SLC4A4: variants seen among roughly 807,000 people sequenced by gnomAD.
SLC4A4 encodes the protein electrogenic sodium bicarbonate cotransporter 1.
Under a neutral mutation model 111.5 loss-of-function variants are expected in SLC4A4, and 27 were observed. The ratio of observed to expected loss-of-function variants is 0.24; its 90% CI spans 0.18 to 0.33. The LOEUF is 0.33. Among genes scored for constraint, SLC4A4 ranks in the 10% least tolerant of loss-of-function variants. SLC4A4 has a pLI of 1.00. For synonymous variants in SLC4A4, 443 were observed against 463.4 expected, an observed-to-expected ratio of 0.96 and a Z score of 0.57; for missense variants, 909 against 1,315.5, an observed-to-expected ratio of 0.69 and a Z score of 4.78.
At chr4:71,330,991 C>T (rs1269749043) in intron 3 of SLC4A4, among the ~76,000 whole-genome samples, 1 of 152,146 alleles carries the variant, frequency 6.6e-6, no homozygotes, top group Non-Finnish European at 1.5e-5. Context: ...TGCTCATCAT[C>T]ACTGGCCCTC....
intron 18 of SLC4A4, among the ~76,000 whole-genome samples, chr4:71,536,364 A>C (rs1218637424): frequency 6.7e-6 from 1 of 149,524 alleles, no homozygotes; most frequent in Non-Finnish European, 1.5e-5. Flanking sequence ...TTTGGAAAAT[A>C]AAATCTGCTA....
chr4:71,426,937 C>A (rs35304661), intron 7 of SLC4A4, among the ~76,000 whole-genome samples: 21,873 of 151,880 alleles, frequency 0.14, 1,963 homozygotes, highest in South Asian at 0.29. Context: ...TATTCCCCAC[C>A]AAGGGAGTGC....
At chr4:71,462,153 GA>G (rs1268690131) in intron 12 of SLC4A4, among the ~76,000 whole-genome samples, 5 of 152,168 alleles carry the variant, frequency 3.3e-5, no homozygotes, top group Admixed American at 3.3e-4. Flanking sequence ...CCAAGGAAAA[GA>G]AATCAACATT....
chr4:71,324,486 A>G (rs1465359485), intron 3 of SLC4A4, among the ~76,000 whole-genome samples: 1 of 152,014 alleles, frequency 6.6e-6, no homozygotes, highest in African/African-American at 2.4e-5. Flanking sequence ...AATTTCATGG[A>G]CCAAACTTAC....
chr4:71,337,082 A>G (rs1325097642), intron 3 of SLC4A4, among the ~76,000 whole-genome samples: 1 of 152,140 alleles, frequency 6.6e-6, no homozygotes, highest in Non-Finnish European at 1.5e-5. Context: ...TTTTAAAGAA[A>G]CACCCCATGA....
At chr4:71,133,701 A>C (rs1052483106) in intron 2 of SLC4A4, among the ~76,000 whole-genome samples, 1 of 152,196 alleles carries the variant, frequency 6.6e-6, no homozygotes, top group Non-Finnish European at 1.5e-5. Flanking sequence ...CATAGATGTG[A>C]GTCCTAGGAA....
chr4:71,465,676 G>GT (rs935832514), intron 12 of SLC4A4, among the ~76,000 whole-genome samples: 1 of 151,854 alleles, frequency 6.6e-6, no homozygotes, highest in African/African-American at 2.4e-5. Context: ...GGATCGTTTT[G>GT]TAAGTCAGTG....
Position 71,563,776 on chromosome 4 carries a change from G to C in SLC4A4, c.3100-17G>C. 2.0e-6 allele frequency: 3 copies of C among 1,495,910 alleles called. No homozygotes were observed. The highest frequency in any genetic ancestry group is 2.8e-6 in the Non-Finnish European group (3 of 1,073,266). 92.7% of individuals were successfully genotyped at this position (1,495,910 alleles called of 1,614,324 possible). The stretch of plus-strand genomic sequence containing the variant: ...TAATAAAAACATTCTAAAACCTCTT[G>C]TACATTTTTTTCACAGTCTGACTGC... On this transcript the variant is annotated splice_polypyrimidine_tract_variant and intron_variant, in intron 23 of 25. Transcript: ENST00000264485.
At chr4:71,323,819 A>G (rs1306623377) in intron 3 of SLC4A4, among the ~76,000 whole-genome samples, 2 of 145,498 alleles carry the variant, frequency 1.4e-5, no homozygotes, top group Non-Finnish European at 3.0e-5. Context: ...TGGCATCCCC[A>G]AACTACTGTG....
At chr4:71,285,191 A>G (rs1271282776) in intron 3 of SLC4A4, among the ~76,000 whole-genome samples, 2 of 152,212 alleles carry the variant, frequency 1.3e-5, no homozygotes, top group African/African-American at 4.8e-5. Context: ...GTAAGTTAGT[A>G]GGGCATAGGG....
In SLC4A4 at chr4:71,568,185, T is replaced by TA; in HGVS notation, c.*435dup. The TA allele has an allele frequency of 3.8e-6, 1 of 263,370 alleles. No individual in the cohort carries two copies. Among genetic ancestry groups the TA allele is most frequent in the South Asian group, 5.3e-5 (1 of 18,884 alleles). The allele number at this position is 263,370 out of a possible 1,614,324, so 16.3% of individuals were successfully genotyped here. On this transcript the variant is annotated 3_prime_UTR_variant, in exon 26 of 26. Transcript: ENST00000264485. Reference sequence around the variant, plus strand: ...ACGCACAGACCCTGTCCTTTGCCTCTATTAAGCAGAGGATGGAAGTATTAA... The same window carrying TA: ...ACGCACAGACCCTGTCCTTTGCCTCTAATTAAGCAGAGGATGGAAGTATTAA...
At chr4:71,158,824 T>C (rs949701188) in intron 2 of SLC4A4, among the ~76,000 whole-genome samples, 1 of 152,050 alleles carries the variant, frequency 6.6e-6, no homozygotes, top group Non-Finnish European at 1.5e-5. Flanking sequence ...CAGCAAGAGA[T>C]GATTTAGCTT....
chr4:71,567,178 C>CCTT, intron 25 of SLC4A4, 95 bp downstream of exon 25: 1 of 961,096 alleles, frequency 1.0e-6, no homozygotes, highest in Non-Finnish European at 1.6e-6. Flanking sequence ...TTCTTGTTCT[C>CCTT]CTTCGTCTCT....
intron 16 of SLC4A4, among the ~76,000 whole-genome samples, chr4:71,515,540 C>G (rs1732306077): frequency 1.3e-5 from 2 of 152,070 alleles, no homozygotes; most frequent in African/African-American, 4.8e-5. Flanking sequence ...TTTTTTAAAT[C>G]TAGATTATCT....
At chr4:71,244,627 A>G (rs1281804541) in intron 2 of SLC4A4, among the ~76,000 whole-genome samples, 1 of 152,182 alleles carries the variant, frequency 6.6e-6, no homozygotes, top group East Asian at 1.9e-4. Context: ...ATTTATCTTT[A>G]TGTGCAACAC....
intron 7 of SLC4A4, among the ~76,000 whole-genome samples, chr4:71,427,273 G>GT (rs1332126115): frequency 2.6e-5 from 4 of 151,400 alleles, no homozygotes; most frequent in African/African-American, 9.7e-5. Context: ...TTCTTTTTTT[G>GT]TAACATTGAC....
chr4:71,233,115 A>C (rs1719559522), intron 1 of SLC4A4: 2 of 188,504 alleles, frequency 1.1e-5, no homozygotes, highest in Non-Finnish European at 2.0e-5. Flanking sequence ...ATTTGCCTGG[A>C]TTGCTAAGGG....
chr4:71,368,276 C>A (rs942679590), intron 6 of SLC4A4, among the ~76,000 whole-genome samples: 1 of 152,138 alleles, frequency 6.6e-6, no homozygotes, highest in African/African-American at 2.4e-5. Flanking sequence ...ATGTAGCCTG[C>A]AACATTATTT....
At chr4:71,196,039 A>G (rs1560773050) in intron 1 of SLC4A4, among the ~76,000 whole-genome samples, 1 of 152,246 alleles carries the variant, frequency 6.6e-6, no homozygotes, top group Non-Finnish European at 1.5e-5. Flanking sequence ...TGAAAGTTTC[A>G]TGGAATCTTG....
Sources: gnomAD v4.1 joint callset for allele counts (sites outside exome capture counted in the v4.1 genomes callset) on GRCh38, gnomAD v4.1.1 for gene constraint, MANE v1.5 for transcripts, NCBI Gene and HGNC (gene_info 2026-07-23, HGNC 2026-07-21) for gene names.